The following EBF3 variants were observed in gnomAD, a reference collection of about 807,000 sequenced individuals.
EBF3 encodes EBF transcription factor 3, also known as transcription factor COE3.
A neutral mutation model predicts 77.1 loss-of-function variants in EBF3; 18 were observed. The ratio of observed to expected loss-of-function variants is 0.23; its 90% confidence interval spans 0.16 to 0.35. The LOEUF is 0.35. Ranked by LOEUF, EBF3 falls within the 10% of genes least tolerant of loss-of-function variation. The pLI is 1.00. For missense variants in EBF3, 558 were observed against 860.0 expected (o/e 0.65, Z 4.39); for synonymous variants, 350 against 343.5 (o/e 1.02, Z -0.21).
At chr10:129,877,955 A>G in intron 6 of EBF3, 106 bp from the exon 7 acceptor site, 2 of 843,396 alleles carry the variant, frequency 2.4e-6, no homozygotes, top group South Asian at 1.7e-5. Flanking sequence ...TCAACCCCAC[A>G]GCTTCCACAC....
At chr10:129,948,432 T>A (rs1458242258) in intron 6 of EBF3, among the ~76,000 whole-genome samples, 3 of 152,180 alleles carry the variant, frequency 2.0e-5, no homozygotes, top group Middle Eastern at 3.4e-3. Flanking sequence ...GGAGCACATG[T>A]GAAACTATTC....
At chr10:129,846,860 C>A (rs1347391917) in intron 11 of EBF3, among the ~76,000 whole-genome samples, 1 of 141,274 alleles carries the variant, frequency 7.1e-6, no homozygotes. Flanking sequence ...TGATCTGTCA[C>A]CCTGCTGGAG....
Position 129,843,869 on chromosome 10 carries a change from G to C in EBF3, c.1129-667C>G, listed in dbSNP as rs147244498. Among the ~76,000 whole-genome samples the C allele has an allele frequency of 3.3e-5, 5 of 152,368 alleles. No homozygotes were observed. In the East Asian group the frequency reaches 9.6e-4, roughly 29 times the overall value. ...TTCACATTCCGAGAGTGTGCGCGCT[G>C]TGCCTGGGGGCTTGGATGCACCGAG... On this transcript the variant is annotated intron_variant, in intron 11 of 16. Transcript: ENST00000440978.
Position 129,841,992 on chromosome 10 carries a change from C to T in EBF3, c.1372+124G>A. ...TTCCTGAGCAAAGGAACCAGCAGAG[C>T]CAGAGAGAACAGAACGCTACGGACA... On this transcript the variant is annotated intron_variant, in intron 13 of 16. Transcript: ENST00000440978. This position sits in a 1 kb window ranked among gnomAD's most constrained non-coding sequence, Gnocchi z 4.6. 7.8e-7 allele frequency: 1 copy of T among 1,274,194 alleles called. No homozygotes were observed. The highest frequency in any genetic ancestry group is 1.4e-5 in the South Asian group (1 of 69,296). The allele number at this position is 1,274,194 out of a possible 1,614,324, so 78.9% of individuals were successfully genotyped here. A position where few individuals can be genotyped will look rare whatever the true frequency, so the allele number is the denominator to read the frequency against.
intron 10 of EBF3, among the ~76,000 whole-genome samples, chr10:129,854,785 G>T (rs1211251885): frequency 6.6e-6 from 1 of 152,212 alleles, no homozygotes; most frequent in Non-Finnish European, 1.5e-5. Flanking sequence ...AATAAATTTG[G>T]CAATGAATTT....
chr10:129,881,307 G>A (rs548675829), intron 6 of EBF3, among the ~76,000 whole-genome samples: 4 of 152,206 alleles, frequency 2.6e-5, no homozygotes, highest in East Asian at 1.9e-4. Flanking sequence ...CTGTTGGCCC[G>A]TCATCAAAAT....
intron 10 of EBF3, among the ~76,000 whole-genome samples, chr10:129,853,270 G>A (rs1851022251): frequency 2.0e-5 from 3 of 152,212 alleles, no homozygotes; most frequent in Admixed American, 6.5e-5. Flanking sequence ...AGCCCAGCAC[G>A]CAGAGAGAGA....
chr10:129,836,584 A>G lies in EBF3; in HGVS notation c.*1359T>C, dbSNP rs1178640080. Reference sequence around the variant, plus strand: ...AATATAAAAATAAACAATGAATTTGACTTTTCCTCAAAATAAAAAAAAAAA... The same window carrying G: ...AATATAAAAATAAACAATGAATTTGGCTTTTCCTCAAAATAAAAAAAAAAA... On this transcript the variant is annotated 3_prime_UTR_variant, in exon 17 of 17. Transcript: ENST00000440978. The G allele has an allele frequency of 7.8e-6, 1 of 127,614 alleles. No homozygotes were observed. Among genetic ancestry groups the G allele is most frequent in the Non-Finnish European group, 1.7e-5 (1 of 57,274 alleles). The allele number at this position is 127,614 out of a possible 1,614,324, so 7.9% of individuals were successfully genotyped here. A position where few individuals can be genotyped will look rare whatever the true frequency, so the allele number is the denominator to read the frequency against.
At chr10:129,925,881 T>C (rs2134387549) in intron 6 of EBF3, among the ~76,000 whole-genome samples, 1 of 152,192 alleles carries the variant, frequency 6.6e-6, no homozygotes, top group Admixed American at 6.5e-5. Flanking sequence ...AAGCCCACCA[T>C]GAAGAATCCA....
Position 129,842,781 on chromosome 10 carries a change from A to AAC in EBF3, c.1194+355_1194+356insGT, listed in dbSNP as rs397808025. The stretch of plus-strand genomic sequence containing the variant: ...CCTGTCTAAAAAAAAAAAAAAAAAA[A>AAC]GGGAGCAACATTTGCTGTGTTCTGT... On this transcript the variant is annotated intron_variant, in intron 12 of 16. Coordinates refer to ENST00000440978, the MANE Select transcript of EBF3 (RefSeq NM_001375380.1). This position sits in a 1 kb window ranked among gnomAD's most constrained non-coding sequence, Gnocchi z 4.4. Among the ~76,000 whole-genome samples the AAC allele has an allele frequency of 6.7e-6, 1 of 148,730 alleles. No homozygotes were observed. Among genetic ancestry groups the AAC allele is most frequent in the Non-Finnish European group, 1.5e-5 (1 of 67,024 alleles).
chr10:129,957,175 A>G lies in EBF3; in HGVS notation c.554+83T>C. ...TGGGCTCGACACCAGCCTCAAAAAT[A>G]TGGAGCAACTGGAAACCAAGCAAGG... On this transcript the variant is annotated intron_variant, in intron 6 of 16. Coordinates refer to ENST00000440978, the MANE Select transcript of EBF3 (RefSeq NM_001375380.1). 2.4e-6 allele frequency: 3 copies of G among 1,268,346 alleles called. No homozygotes were observed. In the South Asian group the frequency reaches 4.0e-5, roughly 17 times the overall value. 78.6% of individuals were successfully genotyped at this position (1,268,346 alleles called of 1,614,324 possible).
At chr10:129,850,222 T>C (rs1850769384) in intron 10 of EBF3, among the ~76,000 whole-genome samples, 1 of 152,224 alleles carries the variant, frequency 6.6e-6, no homozygotes, top group African/African-American at 2.4e-5. Context: ...TGAAAGGTGA[T>C]CAGAAAAGAT....
At chr10:129,962,411 T>G (rs1349679518) in intron 3 of EBF3, among the ~76,000 whole-genome samples, 185 bp from the exon 4 acceptor site, 1 of 152,086 alleles carries the variant, frequency 6.6e-6, no homozygotes, top group African/African-American at 2.4e-5. Context: ...TTTTCTTTTC[T>G]TAACTAAGAA....
intron 6 of EBF3, among the ~76,000 whole-genome samples, chr10:129,913,933 G>A (rs989807813): frequency 2.0e-5 from 3 of 152,208 alleles, no homozygotes; most frequent in South Asian, 2.1e-4. Flanking sequence ...CTTCTCATCC[G>A]AATGGAACTC....
chr10:129,900,423 G>A (rs1396055654), intron 6 of EBF3, among the ~76,000 whole-genome samples: 1 of 152,206 alleles, frequency 6.6e-6, no homozygotes, highest in African/African-American at 2.4e-5. Context: ...AGAGGCACAC[G>A]GGGAGGGGAG....
At chr10:129,884,653 G>C (rs1310588273) in intron 6 of EBF3, among the ~76,000 whole-genome samples, 1 of 152,208 alleles carries the variant, frequency 6.6e-6, no homozygotes, top group Non-Finnish European at 1.5e-5. Context: ...GATGTCCTTT[G>C]TTGGGGGCTC....
intron 6 of EBF3, among the ~76,000 whole-genome samples, chr10:129,887,015 A>G (rs1231013105): frequency 8.1e-6 from 1 of 122,700 alleles, no homozygotes; most frequent in East Asian, 2.7e-4. Flanking sequence ...TGTCAGGGTA[A>G]GCACAGGCCC....
intron 11 of EBF3, among the ~76,000 whole-genome samples, chr10:129,846,420 G>C (rs566151032): frequency 2.0e-5 from 3 of 151,922 alleles, no homozygotes; most frequent in Non-Finnish European, 2.9e-5. Context: ...CGCCGAGGAG[G>C]GGGCAGCACT....
chr10:129,876,056 C>T (rs1852751538), intron 7 of EBF3, among the ~76,000 whole-genome samples: 2 of 152,228 alleles, frequency 1.3e-5, no homozygotes, highest in Non-Finnish European at 2.9e-5. Context: ...AAGACACAGG[C>T]TTTGCAGTCA....
Sources: allele counts gnomAD v4.1 joint callset (sites outside exome capture counted in the v4.1 genomes callset), GRCh38; gene constraint gnomAD v4.1.1; non-coding constraint Gnocchi (gnomAD v3.1); transcripts MANE v1.5; gene names NCBI Gene and HGNC (gene_info 2026-07-23, HGNC 2026-07-21).